Variants in MINPP1 observed in about 807,000 individuals in gnomAD.
The protein encoded by MINPP1 is multiple inositol polyphosphate phosphatase 1.
Under a neutral mutation model 46.1 loss-of-function variants are expected in MINPP1, and 28 were observed. The ratio of observed to expected loss-of-function variants is 0.61; its 90% CI spans 0.45 to 0.83. The LOEUF (loss-of-function observed/expected upper bound fraction) is 0.83, where lower values mean the gene tolerates loss of function less well. Among genes scored for constraint, MINPP1 ranks in the 40% least tolerant of loss-of-function variants. The pLI is 0.00. For synonymous variants in MINPP1, 268 were observed against 249.1 expected (o/e 1.08, Z -0.72); for missense variants, 603 against 610.0 (o/e 0.99, Z 0.12).
intron 4 of MINPP1, among the ~76,000 whole-genome samples, chr10:87,547,109 AATT>A (rs1289429012): frequency 2.6e-5 from 4 of 152,000 alleles, no homozygotes; most frequent in African/African-American, 7.3e-5. Flanking sequence ...TTTGATTTTA[AATT>A]ATTATTATTT....
At chr10:87,540,992 T>G (rs1851808520) in intron 4 of MINPP1, among the ~76,000 whole-genome samples, 1 of 152,208 alleles carries the variant, frequency 6.6e-6, no homozygotes, top group Non-Finnish European at 1.5e-5. Context: ...CCCTACTGTA[T>G]GTGCACACAC....
chr10:87,549,520 C>T (rs1851933488), intron 4 of MINPP1, among the ~76,000 whole-genome samples: 2 of 152,166 alleles, frequency 1.3e-5, no homozygotes, highest in Non-Finnish European at 2.9e-5. Flanking sequence ...GCGAAGCTGT[C>T]CATACTGTAA....
intron 2 of MINPP1, among the ~76,000 whole-genome samples, chr10:87,512,416 C>G (rs549735925): frequency 2.0e-5 from 3 of 152,096 alleles, no homozygotes; most frequent in Admixed American, 1.3e-4. Flanking sequence ...CCTTGGCTGT[C>G]TCTCCTTTCT....
chr10:87,505,211 T>G lies in MINPP1; in HGVS notation c.296T>G (p.Ile99Ser), dbSNP rs1178860381. Residue 99 changes from isoleucine (I) to serine (S), a missense_variant, in exon 1 of 5, where the codon ATC becomes AGC. Ile to Ser is a moderately radical substitution (Grantham distance 142). Transcript: ENST00000371996. This position sits in a 1 kb window ranked among gnomAD's most constrained non-coding sequence, Gnocchi z 4.4. Reference sequence around the variant, plus strand: ...ACCCGCTACCCCACGGTCAAACAGATCCGCAAGCTGAGGCAGCTGCACGGG... The same window carrying G: ...ACCCGCTACCCCACGGTCAAACAGAGCCGCAAGCTGAGGCAGCTGCACGGG... ...HGTRYPTVKQIRKLRQLHGLL... is the reference protein window; with the variant it reads ...HGTRYPTVKQSRKLRQLHGLL... 6.2e-7 allele frequency: 1 copy of G among 1,611,242 alleles called. No homozygotes were observed. The highest frequency in any genetic ancestry group is 1.3e-5 in the African/African-American group (1 of 75,016).
chr10:87,548,090 C>A (rs1286240807), intron 4 of MINPP1, among the ~76,000 whole-genome samples: 6 of 152,100 alleles, frequency 3.9e-5, no homozygotes, highest in Non-Finnish European at 8.8e-5. Flanking sequence ...GAACCTGTAT[C>A]ATAGAGTAAG....
At position 87,537,511 on chromosome 10, in the gene MINPP1, T is replaced by TTGTG. The variant is rs1554853571; in HGVS notation, c.1068-14535_1068-14532dup. On this transcript the variant is annotated intron_variant, in intron 4 of 4. Coordinates refer to ENST00000371996, the MANE Select transcript of MINPP1 (RefSeq NM_004897.5). ...TTAATTGGGTTATCTTTATTACTGT[T>TTGTG]TGTGTGTGTGTGTGTGTGTGTGTGT... Among the ~76,000 whole-genome samples the TTGTG allele has an allele frequency of 6.6e-3, 562 of 85,154 alleles. 5 individuals carry two copies. The highest frequency in any genetic ancestry group is 0.02 in the Admixed American group (189 of 9,556). 55.9% of individuals were successfully genotyped at this position (85,154 alleles called of 152,430 possible).
At chr10:87,527,621 G>A (rs1415502737) in intron 4 of MINPP1, among the ~76,000 whole-genome samples, 1 of 152,022 alleles carries the variant, frequency 6.6e-6, no homozygotes, top group Non-Finnish European at 1.5e-5. Context: ...CAGGGATGAA[G>A]CCAACCTGAT....
At chr10:87,507,312 A>G (rs1267392834) in intron 1 of MINPP1, among the ~76,000 whole-genome samples, 1 of 152,218 alleles carries the variant, frequency 6.6e-6, no homozygotes, top group Admixed American at 6.5e-5. Flanking sequence ...AAAGACTAGC[A>G]ATAATTAGAT....
chr10:87,540,021 A>C (rs1851791629), intron 4 of MINPP1, among the ~76,000 whole-genome samples: 2 of 152,136 alleles, frequency 1.3e-5, no homozygotes. Context: ...CATGCGCCAC[A>C]GCGCCTGGCT....
At position 87,504,952 on chromosome 10, in the gene MINPP1, G is replaced by A. The variant is rs777766037; in HGVS notation, c.37G>A (p.Val13Ile). 70 of 1,611,610 alleles carry A rather than the reference G, an allele frequency of 4.3e-5. 2 individuals are homozygous for A. In the South Asian group the frequency reaches 4.8e-4, roughly 11 times the overall value. The change falls in exon 1 of 5, where the codon GTA becomes ATA. Residue 13 changes from valine (V) to isoleucine (I), a missense_variant. Transcript: ENST00000371996. ...RAPGCLLRTS[V>I]APAAALAAAL... Reference sequence around the variant, plus strand: ...GCCCGGCTGCCTCCTCCGGACCTCCGTAGCGCCTGCCGCGGCCCTGGCTGC... The same window carrying A: ...GCCCGGCTGCCTCCTCCGGACCTCCATAGCGCCTGCCGCGGCCCTGGCTGC...
chr10:87,540,495 TCACACACACA>T (rs3062345), intron 4 of MINPP1, among the ~76,000 whole-genome samples: 6 of 149,058 alleles, frequency 4.0e-5, no homozygotes, highest in Non-Finnish European at 7.4e-5. Context: ...TCTCTCTCTG[TCACACACACA>T]CACACACACA....
chr10:87,537,019 C>G (rs1381938223), intron 4 of MINPP1, among the ~76,000 whole-genome samples: 1 of 152,196 alleles, frequency 6.6e-6, no homozygotes, highest in African/African-American at 2.4e-5. Flanking sequence ...TCACTTCAGC[C>G]TCTGTCTCGT....
intron 4 of MINPP1, among the ~76,000 whole-genome samples, chr10:87,542,776 T>A (rs1277068973): frequency 1.3e-5 from 2 of 152,228 alleles, no homozygotes; most frequent in Admixed American, 6.5e-5. Context: ...GTTTTCTTTA[T>A]AAATTACCCA....
chr10:87,507,854 A>C (rs1206040981), intron 1 of MINPP1: 1 of 1,060,010 alleles, frequency 9.4e-7, no homozygotes, highest in East Asian at 7.9e-5. Context: ...TGCTGTCAGT[A>C]GTTTTTGTCC....
At chr10:87,534,667 G>A (rs1435463669) in intron 4 of MINPP1, among the ~76,000 whole-genome samples, 3 of 152,002 alleles carry the variant, frequency 2.0e-5, no homozygotes, top group South Asian at 2.1e-4. Context: ...CAGTAGAACC[G>A]GAAGGCAAAT....
intron 4 of MINPP1, among the ~76,000 whole-genome samples, chr10:87,527,257 T>C (rs1239878668): frequency 1.3e-5 from 2 of 152,226 alleles, no homozygotes; most frequent in Non-Finnish European, 2.9e-5. Context: ...GAAGAGGTCC[T>C]TCACATCCCT....
At chr10:87,551,521 A>G (rs1300282510) in intron 4 of MINPP1, among the ~76,000 whole-genome samples, 3 of 152,070 alleles carry the variant, frequency 2.0e-5, no homozygotes, top group African/African-American at 7.2e-5. Flanking sequence ...CCAGAGACAC[A>G]TTGTTTCAGC....
intron 4 of MINPP1, among the ~76,000 whole-genome samples, chr10:87,521,781 A>G (rs1017449204): frequency 1.3e-5 from 2 of 152,228 alleles, no homozygotes; most frequent in African/African-American, 4.8e-5. Flanking sequence ...GGCTCCTGCT[A>G]TGAATGTGCA....
intron 4 of MINPP1, among the ~76,000 whole-genome samples, chr10:87,532,747 C>T (rs1392247113): frequency 6.6e-6 from 1 of 152,172 alleles, no homozygotes; most frequent in East Asian, 1.9e-4. Flanking sequence ...TAAAGAAAAT[C>T]AATATATGCT....
Sources: gnomAD v4.1 joint callset for allele counts (sites outside exome capture counted in the v4.1 genomes callset) on GRCh38, gnomAD v4.1.1 for gene constraint, Gnocchi (gnomAD v3.1) non-coding constraint, MANE v1.5 for transcripts, NCBI Gene and HGNC (gene_info 2026-07-23, HGNC 2026-07-21) for gene names.